Variants in COL5A2 observed in about 807,000 individuals in gnomAD.
COL5A2 encodes the protein collagen type V alpha 2 chain.
Under a neutral mutation model 208.2 loss-of-function variants are expected in COL5A2, and 23 were observed. That is an observed-to-expected ratio of 0.11 (90% CI 0.08 to 0.16). The LOEUF (loss-of-function observed/expected upper bound fraction) is 0.16. Ranked by LOEUF, COL5A2 falls within the 10% of genes least tolerant of loss-of-function variation. The pLI is 1.00. For missense variants in COL5A2, 1,590 were observed against 1,956.4 expected (o/e 0.81, Z 3.53); for synonymous variants, 625 against 628.5 (o/e 0.99, Z 0.08).
chr2:189,257,391 A>G, the COL5A2 span, among the ~76,000 whole-genome samples: 1 of 152,360 alleles, frequency 6.6e-6, no homozygotes, highest in South Asian at 2.1e-4. Flanking sequence ...GTGAACATCA[A>G]GGTGCATGGA....
chr2:189,195,736 T>C (rs1688991606), intron 1 of COL5A2, among the ~76,000 whole-genome samples: 1 of 152,126 alleles, frequency 6.6e-6, no homozygotes, highest in Non-Finnish European at 1.5e-5. Flanking sequence ...ATTTAATAAA[T>C]GGTGCTGAGA....
chr2:189,197,616 T>C (rs1689021603), intron 1 of COL5A2, among the ~76,000 whole-genome samples: 1 of 151,948 alleles, frequency 6.6e-6, no homozygotes, highest in Non-Finnish European at 1.5e-5. Flanking sequence ...CTTTAAATAA[T>C]GTCCATTTAG....
the COL5A2 span, among the ~76,000 whole-genome samples, chr2:189,252,433 TA>T: frequency 6.6e-6 from 1 of 152,136 alleles, no homozygotes; most frequent in East Asian, 1.9e-4. Flanking sequence ...TATGCAGCCA[TA>T]AAAAGGATGA....
At chr2:189,087,218 G>A (rs962450110) in intron 8 of COL5A2, among the ~76,000 whole-genome samples, 1 of 152,124 alleles carries the variant, frequency 6.6e-6, no homozygotes, top group Non-Finnish European at 1.5e-5. Context: ...ATAATGACTA[G>A]ATTATATTAA....
At chr2:189,406,435 T>C in the COL5A2 span, among the ~76,000 whole-genome samples, 1 of 152,160 alleles carries the variant, frequency 6.6e-6, no homozygotes, top group Non-Finnish European at 1.5e-5. Context: ...AAAAAGCATA[T>C]ATTGCTAAAA....
intron 36 of COL5A2, 100 bp downstream of exon 36, chr2:189,054,057 CTT>C: frequency 7.1e-7 from 1 of 1,409,906 alleles, no homozygotes; most frequent in Non-Finnish European, 1.0e-6. Flanking sequence ...CTGAAATGAT[CTT>C]GCTCAGATAC....
the COL5A2 span, among the ~76,000 whole-genome samples, chr2:189,325,320 A>AT: frequency 4.6e-4 from 65 of 141,764 alleles, no homozygotes; most frequent in Non-Finnish European, 7.2e-4. Flanking sequence ...TATAATAAAA[A>AT]AAAATATATA....
chr2:189,150,217 A>G (rs771068832), intron 1 of COL5A2, among the ~76,000 whole-genome samples: 84 of 152,190 alleles, frequency 5.5e-4, no homozygotes, highest in Non-Finnish European at 9.8e-4. Context: ...TTGTGCAAAC[A>G]CTAAACAGTT....
At chr2:189,425,333 A>C in the COL5A2 span, among the ~76,000 whole-genome samples, 1 of 152,192 alleles carries the variant, frequency 6.6e-6, no homozygotes, top group South Asian at 2.1e-4. Flanking sequence ...TATATGATCG[A>C]GCAATCCCAC....
In COL5A2 at chr2:189,045,205, C is replaced by A; in HGVS notation, c.3337G>T (p.Gly1113Cys). The A allele has an allele frequency of 6.2e-7, 1 of 1,606,386 alleles. No homozygotes were observed. The highest frequency in any genetic ancestry group is 8.5e-7 in the Non-Finnish European group (1 of 1,176,822). ...GGTAATCCACGTTTCCCAGCTCGAC[C>A]AGGTGGTCCTATAGGACCCCGAGAA... The part of the protein sequence containing the change: ...PGSRGPIGPP[G>C]RAGKRGLPGP... Residue 1113 changes from glycine to cysteine, a missense_variant, in exon 47 of 54, where the codon GGT becomes TGT. Transcript: ENST00000374866.
chr2:189,154,416 T>C (rs936760715), intron 1 of COL5A2, among the ~76,000 whole-genome samples: 3 of 152,234 alleles, frequency 2.0e-5, no homozygotes, highest in Non-Finnish European at 4.4e-5. Context: ...CTGCTTCTTC[T>C]TCTTCCACAA....
rs1686130788 is a variant in COL5A2 at position 189,065,577 on chromosome 2, G to A, written c.1564-520C>T. On this transcript the variant is annotated intron_variant, in intron 23 of 53. Coordinates refer to ENST00000374866, the MANE Select transcript of COL5A2 (RefSeq NM_000393.5). Reference sequence around the variant, plus strand: ...GAAGGAAGCAAGGAAATATTCTAACGATTCATAGTAAAATTAAACAGAGAA... The same window carrying A: ...GAAGGAAGCAAGGAAATATTCTAACAATTCATAGTAAAATTAAACAGAGAA... Among the ~76,000 whole-genome samples, 4 of 152,036 alleles carry A rather than the reference G, an allele frequency of 2.6e-5. 1 individual carries two copies. In the South Asian group the frequency reaches 8.3e-4, roughly 32 times the overall value.
chr2:189,110,109 C>G, intron 2 of COL5A2, 116 bp downstream of exon 2: 1 of 816,482 alleles, frequency 1.2e-6, no homozygotes, highest in Non-Finnish European at 2.1e-6. Context: ...CCCCAAAAGC[C>G]ACCAAAAAAG....
chr2:189,270,886 T>C, the COL5A2 span, among the ~76,000 whole-genome samples: 1 of 152,126 alleles, frequency 6.6e-6, no homozygotes, highest in East Asian at 1.9e-4. Flanking sequence ...AGCCAAATCA[T>C]GAGTGAACTC....
At chr2:189,207,886 G>T (rs1689160777) in intron 1 of COL5A2, among the ~76,000 whole-genome samples, 1 of 152,038 alleles carries the variant, frequency 6.6e-6, no homozygotes, top group Non-Finnish European at 1.5e-5. Flanking sequence ...TGTTCCTCTT[G>T]TTTCTGATCG....
At chr2:189,217,021 C>T (rs1689287812) in intron 1 of COL5A2, among the ~76,000 whole-genome samples, 2 of 151,806 alleles carry the variant, frequency 1.3e-5, no homozygotes, top group Admixed American at 6.6e-5. Flanking sequence ...CAACAAGCAT[C>T]GATATGACCA....
At position 189,047,115 on chromosome 2, in the gene COL5A2, T is replaced by C. The variant is rs890999944; in HGVS notation, c.3201+1094A>G. On this transcript the variant is annotated intron_variant, in intron 45 of 53. Coordinates refer to ENST00000374866, the MANE Select transcript of COL5A2 (RefSeq NM_000393.5). ...CCAGCCTGGCAACAGAGCAAGACTC[T>C]GTCTCAAAAAAAAAAAAAAAAATAC... Among the ~76,000 whole-genome samples, 31 of 144,984 alleles carry C rather than the reference T, an allele frequency of 2.1e-4. 1 individual carries two copies. Among genetic ancestry groups the C allele is most frequent in the African/African-American group, 6.8e-4 (26 of 37,962 alleles).
chr2:189,402,408 A>G, the COL5A2 span, among the ~76,000 whole-genome samples: 4,255 of 151,968 alleles, frequency 0.028, 199 homozygotes, highest in African/African-American at 0.097. Flanking sequence ...TTTAGTAGAG[A>G]TGGGGTTTCA....
At chr2:189,053,290 T>C (rs1164432777) in intron 38 of COL5A2, 134 bp downstream of exon 38, 9 of 844,952 alleles carry the variant, frequency 1.1e-5, no homozygotes, top group African/African-American at 6.9e-5. Context: ...AAAAAATGTA[T>C]TGAAAATGAG....
Sources: gnomAD v4.1 joint callset for allele counts (sites outside exome capture counted in the v4.1 genomes callset) on GRCh38, gnomAD v4.1.1 for gene constraint, MANE v1.5 for transcripts, NCBI Gene and HGNC (gene_info 2026-07-23, HGNC 2026-07-21) for gene names.